THSD7B: variants seen among roughly 807,000 people sequenced by gnomAD.
THSD7B encodes thrombospondin type-1 domain-containing protein 7B.
In THSD7B, 138 loss-of-function variants were observed where a neutral mutation model predicts 213.6. The observed-to-expected ratio is 0.65, with a 90% CI of 0.56 to 0.74. The LOEUF (loss-of-function observed/expected upper bound fraction) is 0.74. Ranked by LOEUF, THSD7B falls within the 30% of genes least tolerant of loss-of-function variation. The pLI is 0.00. For synonymous variants in THSD7B, 742 were observed against 687.0 expected (o/e 1.08, Z -1.25); for missense variants, 1,931 against 1,991.5 (o/e 0.97, Z 0.58).
chr2:136,991,009 C>A, intron 2 of THSD7B: 4 of 1,161,466 alleles, frequency 3.4e-6, no homozygotes, highest in Non-Finnish European at 4.6e-6. Context: ...CAGGTGAATA[C>A]CTGTCCTCCC....
rs141967611 is a variant in THSD7B at position 137,089,528 on chromosome 2, A to G, written c.951-5345A>G. Among the ~76,000 whole-genome samples, 209 of 151,988 alleles carry G rather than the reference A, an allele frequency of 1.4e-3. No homozygotes were observed. In the East Asian group the frequency reaches 0.035, roughly 26 times the overall value. On this transcript the variant is annotated intron_variant, in intron 3 of 27. Transcript: ENST00000409968. The stretch of plus-strand genomic sequence containing the variant: ...TTCACAGTGACCTGGATGAGATTGG[A>G]GACTATTACTCTAAGTCAAGTAACT...
chr2:137,091,649 T>C (rs1558917432), intron 3 of THSD7B, among the ~76,000 whole-genome samples: 2 of 152,132 alleles, frequency 1.3e-5, no homozygotes, highest in African/African-American at 2.4e-5. Flanking sequence ...CCGCTGTGTC[T>C]TCACATGGTC....
chr2:137,188,972 C>T (rs752017590), intron 7 of THSD7B, among the ~76,000 whole-genome samples: 10 of 152,190 alleles, frequency 6.6e-5, no homozygotes, highest in Non-Finnish European at 1.3e-4. Flanking sequence ...CATTGTCCTG[C>T]TGTCATTATG....
chr2:137,048,480 A>G (rs1687008459), intron 2 of THSD7B, among the ~76,000 whole-genome samples: 1 of 152,232 alleles, frequency 6.6e-6, no homozygotes. Flanking sequence ...AGGTACAAAT[A>G]TACTCCATGT....
intron 1 of THSD7B, among the ~76,000 whole-genome samples, chr2:136,843,020 A>G (rs1355109526): frequency 6.6e-6 from 1 of 152,052 alleles, no homozygotes; most frequent in Admixed American, 6.6e-5. Flanking sequence ...TTTCCAGAAG[A>G]ATGTTATTGT....
chr2:137,185,078 A>G (rs966857894), intron 7 of THSD7B, among the ~76,000 whole-genome samples: 1 of 152,184 alleles, frequency 6.6e-6, no homozygotes, highest in African/African-American at 2.4e-5. Context: ...ATGCCTGATC[A>G]AAAGCTTTGG....
chr2:136,856,623 C>T (rs1003517749), intron 1 of THSD7B, among the ~76,000 whole-genome samples: 23 of 151,700 alleles, frequency 1.5e-4, no homozygotes, highest in Non-Finnish European at 1.9e-4. Flanking sequence ...AAACAATTCT[C>T]CCTGCCTCAG....
intron 20 of THSD7B, among the ~76,000 whole-genome samples, chr2:137,635,497 T>C (rs886258334): frequency 1.3e-5 from 2 of 152,134 alleles, no homozygotes; most frequent in Non-Finnish European, 2.9e-5. Flanking sequence ...AGGGATTTGA[T>C]AGGTTGGGAA....
chr2:137,256,709 G>A (rs539095218), intron 10 of THSD7B, among the ~76,000 whole-genome samples: 1 of 152,118 alleles, frequency 6.6e-6, no homozygotes, highest in Non-Finnish European at 1.5e-5. Context: ...AAAGAAAATA[G>A]TATAGAAAAT....
At chr2:137,288,016 T>TA (rs1683225425) in intron 12 of THSD7B, among the ~76,000 whole-genome samples, 1 of 152,100 alleles carries the variant, frequency 6.6e-6, no homozygotes, top group South Asian at 2.1e-4. Context: ...CCTTAACACT[T>TA]AGATTCCTAA....
chr2:137,375,295 C>G (rs896763199), intron 12 of THSD7B, among the ~76,000 whole-genome samples: 18 of 152,046 alleles, frequency 1.2e-4, no homozygotes, highest in African/African-American at 4.3e-4. Flanking sequence ...ACACTGTACA[C>G]AAAAAACCGG....
intron 12 of THSD7B, among the ~76,000 whole-genome samples, chr2:137,373,444 G>A (rs1685578304): frequency 6.6e-6 from 1 of 152,160 alleles, no homozygotes; most frequent in South Asian, 2.1e-4. Flanking sequence ...TTCTCTGATG[G>A]CCAGTGATGG....
chr2:137,433,027 A>C (rs997066637), intron 14 of THSD7B, among the ~76,000 whole-genome samples: 1 of 152,204 alleles, frequency 6.6e-6, no homozygotes, highest in African/African-American at 2.4e-5. Context: ...AACCTCTGCT[A>C]TACCTTGGCT....
chr2:137,648,690 C>T (rs1486903475), intron 21 of THSD7B, among the ~76,000 whole-genome samples: 2 of 152,120 alleles, frequency 1.3e-5, no homozygotes, highest in African/African-American at 4.8e-5. Context: ...ATAAACATGG[C>T]AGTGCAGTTG....
At chr2:137,672,817 T>A (rs1171595642) in intron 27 of THSD7B, among the ~76,000 whole-genome samples, 1 of 152,210 alleles carries the variant, frequency 6.6e-6, no homozygotes, top group Non-Finnish European at 1.5e-5. Context: ...TTCTTTCAAA[T>A]ACTAGCCTTT....
intron 3 of THSD7B, among the ~76,000 whole-genome samples, chr2:137,069,520 A>G (rs1174230612): frequency 6.6e-6 from 1 of 151,984 alleles, no homozygotes; most frequent in East Asian, 1.9e-4. Context: ...AAGAGCTATG[A>G]TTATTTGGTA....
At chr2:137,084,236 G>A (rs1340143944) in intron 3 of THSD7B, among the ~76,000 whole-genome samples, 1 of 152,026 alleles carries the variant, frequency 6.6e-6, no homozygotes, top group Non-Finnish European at 1.5e-5. Context: ...TGCTGTATTG[G>A]GGAAATCTAC....
chr2:136,773,020 T>C (rs1681535721), intron 1 of THSD7B, among the ~76,000 whole-genome samples: 1 of 152,128 alleles, frequency 6.6e-6, no homozygotes, highest in Non-Finnish European at 1.5e-5. Flanking sequence ...GTCAAAGTTG[T>C]AAAGAGATTT....
chr2:136,978,775 G>C (rs1685529002), intron 2 of THSD7B, among the ~76,000 whole-genome samples: 1 of 152,018 alleles, frequency 6.6e-6, no homozygotes, highest in South Asian at 2.1e-4. Flanking sequence ...GGGGCATTTA[G>C]CTCACTTACT....
Sources: allele counts gnomAD v4.1 joint callset (sites outside exome capture counted in the v4.1 genomes callset), GRCh38; gene constraint gnomAD v4.1.1; transcripts MANE v1.5; gene names NCBI Gene and HGNC (gene_info 2026-07-23, HGNC 2026-07-21).